The following BACH2 variants were observed in gnomAD, a reference collection of about 807,000 sequenced individuals.
BACH2 encodes the protein BACH transcriptional regulator 2.
BACH2 carries 5 observed loss-of-function variants against 61.8 expected under a neutral mutation model. That is an observed-to-expected ratio of 0.08 (90% CI 0.04 to 0.17). BACH2 has a LOEUF of 0.17. Among genes scored for constraint, BACH2 ranks in the 10% least tolerant of loss-of-function variants. The probability of loss-of-function intolerance (pLI) is 1.00; values close to 1 mark genes in which losing one functional copy is unlikely to be tolerated. For missense variants in BACH2, 824 were observed against 1,091.1 expected (o/e 0.76, Z 3.45); for synonymous variants, 446 against 440.1 (o/e 1.01, Z -0.17).
chr6:89,991,799 C>G (rs890114222), intron 6 of BACH2, among the ~76,000 whole-genome samples: 7 of 152,022 alleles, frequency 4.6e-5, no homozygotes, highest in Admixed American at 2.0e-4. Context: ...GGGCAATCCC[C>G]CCATCATTTT....
At chr6:90,221,273 T>A (rs546962496) in intron 3 of BACH2, among the ~76,000 whole-genome samples, 46 of 152,330 alleles carry the variant, frequency 3.0e-4, no homozygotes. Flanking sequence ...TTCAAAGTTA[T>A]AATTTTTTAA....
intron 4 of BACH2, among the ~76,000 whole-genome samples, chr6:90,203,859 T>A (rs1167903108): frequency 6.6e-6 from 1 of 152,144 alleles, no homozygotes; most frequent in East Asian, 1.9e-4. Flanking sequence ...AGTACACCCC[T>A]TTCTGGTGTT....
intron 8 of BACH2, among the ~76,000 whole-genome samples, chr6:89,935,794 T>C (rs1772986347): frequency 6.6e-6 from 1 of 152,086 alleles, no homozygotes; most frequent in African/African-American, 2.4e-5. Flanking sequence ...CAAATGTGGG[T>C]GACTGAAGTT....
In BACH2 at chr6:90,218,920, CGTGT is replaced by C. The variant is rs3221352; in HGVS notation, c.-274-12243_-274-12240del. On this transcript the variant is annotated intron_variant, in intron 3 of 8. Transcript: ENST00000257749. ...GGGCTGTGAATTTCGGTTTCCTTTC[CGTGT>C]GTGTGTGTGTGTGTGTGTGTGTGTG... Among the ~76,000 whole-genome samples the C allele has an allele frequency of 7.2e-3, 1,009 of 140,450 alleles. 7 individuals carry two copies. Among genetic ancestry groups the C allele is most frequent in the East Asian group, 0.033 (154 of 4,708 alleles). 92.1% of individuals were successfully genotyped at this position (140,450 alleles called of 152,430 possible). A position where few individuals can be genotyped will look rare whatever the true frequency, so the allele number is the denominator to read the frequency against.
intron 5 of BACH2, among the ~76,000 whole-genome samples, chr6:90,045,872 T>C (rs1397116282): frequency 6.6e-6 from 1 of 152,202 alleles, no homozygotes; most frequent in African/African-American, 2.4e-5. Context: ...GCACTAAAAG[T>C]TGGCACATTT....
chr6:90,082,135 C>T (rs1008141756), intron 5 of BACH2, among the ~76,000 whole-genome samples: 4 of 152,104 alleles, frequency 2.6e-5, no homozygotes, highest in Non-Finnish European at 5.9e-5. Context: ...ATTGTGAATG[C>T]GGAATGGGAA....
chr6:90,262,754 C>G (rs193036709), intron 2 of BACH2, among the ~76,000 whole-genome samples: 121 of 152,266 alleles, frequency 7.9e-4, no homozygotes, highest in African/African-American at 2.9e-3. Flanking sequence ...GAGAAAGATT[C>G]AAATGGTCTA....
At chr6:90,055,578 A>G (rs1205315878) in intron 5 of BACH2, among the ~76,000 whole-genome samples, 4 of 151,272 alleles carry the variant, frequency 2.6e-5, no homozygotes, top group African/African-American at 7.4e-5. Context: ...AACTTCCCCA[A>G]TGTAGCAAGG....
chr6:89,954,216 T>C (rs17709012), intron 6 of BACH2, among the ~76,000 whole-genome samples: 14,166 of 152,250 alleles, frequency 0.093, 765 homozygotes, highest in South Asian at 0.15. Context: ...AAGACACTTC[T>C]TGAGTTTTGG....
rs1029115985 is a variant in BACH2, at chr6:89,927,477, C to T, written c.*4931G>A. ...CACTTGGCACTGAATGTGAGTCTAC[C>T]TGAAATGAATGGTCTTGGTGCACAC... On this transcript the variant is annotated 3_prime_UTR_variant, in exon 9 of 9. Transcript: ENST00000257749. The T allele has an allele frequency of 6.5e-6, 1 of 152,786 alleles. No individual in the cohort carries two copies. The highest frequency in any genetic ancestry group is 1.5e-5 in the Non-Finnish European group (1 of 68,044). The allele number at this position is 152,786 out of a possible 1,614,324, so 9.5% of individuals were successfully genotyped here. A position where few individuals can be genotyped will look rare whatever the true frequency, so the allele number is the denominator to read the frequency against.
intron 2 of BACH2, among the ~76,000 whole-genome samples, chr6:90,258,107 G>A (rs1771043051): frequency 6.6e-6 from 1 of 152,168 alleles, no homozygotes; most frequent in Non-Finnish European, 1.5e-5. Context: ...TGTGGCCTGA[G>A]CTCTTGTTGT....
intron 4 of BACH2, among the ~76,000 whole-genome samples, chr6:90,146,593 A>C (rs76834033): frequency 6.6e-6 from 1 of 152,224 alleles, no homozygotes; most frequent in Non-Finnish European, 1.5e-5. Context: ...ATGATCACAC[A>C]TACTTAAATA....
chr6:90,192,932 G>A (rs926079566), intron 4 of BACH2, among the ~76,000 whole-genome samples: 20 of 152,226 alleles, frequency 1.3e-4, no homozygotes, highest in African/African-American at 4.8e-4. Flanking sequence ...GGTGTGCTCA[G>A]AAGCACTGGA....
At chr6:90,013,723 T>C (rs551741189) in intron 5 of BACH2, among the ~76,000 whole-genome samples, 9 of 152,176 alleles carry the variant, frequency 5.9e-5, no homozygotes, top group Non-Finnish European at 1.0e-4. Flanking sequence ...TTAGCCAGGA[T>C]GGTCTTGATC....
At chr6:89,985,433 C>T (rs902637575) in intron 6 of BACH2, among the ~76,000 whole-genome samples, 1 of 152,076 alleles carries the variant, frequency 6.6e-6, no homozygotes, top group African/African-American at 2.4e-5. Flanking sequence ...ACTCCAGATG[C>T]TGTGGGGAGG....
At chr6:90,231,722 A>G (rs936321532) in intron 3 of BACH2, among the ~76,000 whole-genome samples, 9 of 152,376 alleles carry the variant, frequency 5.9e-5, no homozygotes, top group Admixed American at 3.3e-4. Flanking sequence ...TTGCTATTAT[A>G]GCCAATAATA....
chr6:90,218,486 C>T (rs1444758931), intron 3 of BACH2, among the ~76,000 whole-genome samples: 1 of 151,612 alleles, frequency 6.6e-6, no homozygotes. Context: ...TTCCCCCACC[C>T]TCCTCTTTTT....
At chr6:89,945,643 C>T (rs1773676560) in intron 7 of BACH2, among the ~76,000 whole-genome samples, 1 of 152,142 alleles carries the variant, frequency 6.6e-6, no homozygotes, top group South Asian at 2.1e-4. Flanking sequence ...GGTTGTACAA[C>T]ATTGTGGATA....
At chr6:90,161,540 CAT>C (rs1582434784) in intron 4 of BACH2, among the ~76,000 whole-genome samples, 2 of 152,128 alleles carry the variant, frequency 1.3e-5, no homozygotes, top group African/African-American at 2.4e-5. Context: ...ATAAAGTACA[CAT>C]GTGCTTATTT....
Sources: gnomAD v4.1 joint callset for allele counts (sites outside exome capture counted in the v4.1 genomes callset) on GRCh38, gnomAD v4.1.1 for gene constraint, MANE v1.5 for transcripts, NCBI Gene and HGNC (gene_info 2026-07-23, HGNC 2026-07-21) for gene names.